WWOX: variants seen among roughly 807,000 people sequenced by gnomAD.
The protein encoded by WWOX is WW domain containing oxidoreductase, also known as WW domain-containing oxidoreductase.
WWOX carries 69 observed loss-of-function variants against 46.2 expected under a neutral mutation model. That is an observed-to-expected ratio of 1.49 (90% CI 1.23 to 1.82). The LOEUF (loss-of-function observed/expected upper bound fraction) is 1.82, where lower values mean the gene tolerates loss of function less well. Ranked by LOEUF, WWOX falls within the 40% of genes most tolerant of loss-of-function variation. The probability of loss-of-function intolerance (pLI) is 0.00; values close to 1 mark genes in which losing one functional copy is unlikely to be tolerated. For synonymous variants in WWOX, 359 were observed against 202.6 expected (o/e 1.77, Z -6.56); for missense variants, 919 against 542.6 (o/e 1.69, Z -6.89).
chr16:78,787,865 G>A (rs543743554), intron 8 of WWOX, among the ~76,000 whole-genome samples: 20 of 152,160 alleles, frequency 1.3e-4, no homozygotes, highest in Middle Eastern at 3.4e-3. Flanking sequence ...AAATTGTATC[G>A]TGGTTTTGAT....
chr16:78,147,511 C>T (rs1317922494), intron 4 of WWOX, among the ~76,000 whole-genome samples: 2 of 152,098 alleles, frequency 1.3e-5, no homozygotes, highest in Non-Finnish European at 2.9e-5. Flanking sequence ...AAAAGTGAGC[C>T]TCAAAAAACT....
chr16:78,583,298 C>T (rs1306590066), intron 8 of WWOX, among the ~76,000 whole-genome samples: 6 of 152,128 alleles, frequency 3.9e-5, no homozygotes, highest in Non-Finnish European at 7.3e-5. Context: ...AGTGAGGGTA[C>T]AACTGGCTCC....
At chr16:78,801,769 C>T (rs2050896341) in intron 8 of WWOX, among the ~76,000 whole-genome samples, 1 of 152,116 alleles carries the variant, frequency 6.6e-6, no homozygotes, top group Non-Finnish European at 1.5e-5. Context: ...GATGACATTT[C>T]AGTTTCAGAC....
chr16:78,639,789 C>G (rs556559008), intron 8 of WWOX, among the ~76,000 whole-genome samples: 1 of 152,222 alleles, frequency 6.6e-6, no homozygotes, highest in East Asian at 1.9e-4. Context: ...TGGTCTTGAA[C>G]TCCTGACCTC....
chr16:78,140,434 T>G (rs1597256293), intron 4 of WWOX, among the ~76,000 whole-genome samples: 1 of 152,260 alleles, frequency 6.6e-6, no homozygotes, highest in African/African-American at 2.4e-5. Context: ...AACAGAAATT[T>G]ATTGTTTCCA....
At chr16:78,978,619 G>T (rs2046618845) in intron 8 of WWOX, among the ~76,000 whole-genome samples, 1 of 152,138 alleles carries the variant, frequency 6.6e-6, no homozygotes, top group Non-Finnish European at 1.5e-5. Flanking sequence ...TCTGCTACTG[G>T]GGGCGCCTCA....
chr16:78,270,921 T>A lies in WWOX; in HGVS notation c.516+106632T>A, dbSNP rs113805486. Among the ~76,000 whole-genome samples, 872 of 152,186 alleles carry A rather than the reference T, an allele frequency of 5.7e-3. 10 individuals carry two copies. Among genetic ancestry groups the A allele is most frequent in the African/African-American group, 0.02 (836 of 41,520 alleles). ...ACTATCTGGCCCTTCACAGAGAAAA[T>A]GTGTCAACCCTTTCCTGTTTGCGTT... On this transcript the variant is annotated intron_variant, in intron 5 of 8. Transcript: ENST00000566780.
chr16:78,845,133 CTTT>C (rs68089672), intron 8 of WWOX, among the ~76,000 whole-genome samples: 2 of 134,280 alleles, frequency 1.5e-5, no homozygotes, highest in African/African-American at 2.8e-5. Flanking sequence ...ATCTTGCTGT[CTTT>C]TTTTTTTTTT....
chr16:78,554,490 T>G (rs148781344), intron 8 of WWOX, among the ~76,000 whole-genome samples: 1 of 152,182 alleles, frequency 6.6e-6, no homozygotes, highest in Non-Finnish European at 1.5e-5. Flanking sequence ...GTGATAGATA[T>G]AGATACATAC....
Position 78,165,569 on chromosome 16 carries a change from C to A in WWOX, c.516+1280C>A, listed in dbSNP as rs569433862. Among the ~76,000 whole-genome samples, 331 of 152,066 alleles carry A rather than the reference C, an allele frequency of 2.2e-3. 2 individuals carry two copies. Among genetic ancestry groups the A allele is most frequent in the Middle Eastern group, 6.8e-3 (2 of 294 alleles). ...GGTAGGGGAATGGCAGGTGCAGAGG[C>A]CCTGGGAGGAGGGGGAGGAGGAGAT... On this transcript the variant is annotated intron_variant, in intron 5 of 8. Coordinates refer to ENST00000566780, the MANE Select transcript of WWOX (RefSeq NM_016373.4).
chr16:79,106,911 G>A (rs1214941264), intron 8 of WWOX, among the ~76,000 whole-genome samples: 2 of 149,160 alleles, frequency 1.3e-5, no homozygotes, highest in South Asian at 2.1e-4. Context: ...GGGTTCAAGC[G>A]ATTCTCCTGC....
chr16:78,642,348 C>G (rs566760177), intron 8 of WWOX, among the ~76,000 whole-genome samples: 15 of 152,284 alleles, frequency 9.9e-5, no homozygotes, highest in African/African-American at 3.4e-4. Flanking sequence ...CTTCTGTCTC[C>G]AGATTCCTTG....
intron 8 of WWOX, among the ~76,000 whole-genome samples, chr16:78,831,463 G>A (rs756437499): frequency 7.9e-5 from 12 of 152,196 alleles, no homozygotes; most frequent in Non-Finnish European, 1.8e-4. Context: ...CTAGGGAGAT[G>A]CAGTGAGTTT....
rs373698110 is a variant in WWOX, at chr16:78,201,297, A to C, written c.516+37008A>C. On this transcript the variant is annotated intron_variant, in intron 5 of 8. Transcript: ENST00000566780. The stretch of plus-strand genomic sequence containing the variant: ...TTAATATAACATTATTATGTGGGGA[A>C]TGTGGAAAGGCTAAGGTTGTATTGA... 7.3e-4 allele frequency among the ~76,000 whole-genome samples: 111 copies of C among 152,300 alleles called. 1 individual carries two copies. Among genetic ancestry groups the C allele is most frequent in the African/African-American group, 2.4e-3 (98 of 41,564 alleles).
chr16:78,463,519 C>T (rs1033984358), intron 8 of WWOX, among the ~76,000 whole-genome samples: 1 of 152,134 alleles, frequency 6.6e-6, no homozygotes, highest in Non-Finnish European at 1.5e-5. Context: ...AAACATGTAA[C>T]TGGTCATTTG....
At chr16:78,169,241 T>G (rs894957078) in intron 5 of WWOX, among the ~76,000 whole-genome samples, 1 of 152,154 alleles carries the variant, frequency 6.6e-6, no homozygotes, top group Non-Finnish European at 1.5e-5. Context: ...TGGAATAAGA[T>G]GTTTTCCTGT....
chr16:78,940,529 A>G (rs2045830799), intron 8 of WWOX, among the ~76,000 whole-genome samples: 1 of 152,144 alleles, frequency 6.6e-6, no homozygotes, highest in African/African-American at 2.4e-5. Flanking sequence ...ATTTCCATCG[A>G]CATCCCGTGT....
intron 8 of WWOX, among the ~76,000 whole-genome samples, chr16:78,910,455 G>A (rs140444103): frequency 1.4e-4 from 21 of 151,686 alleles, no homozygotes; most frequent in African/African-American, 2.9e-4. Flanking sequence ...TTGTTCATCC[G>A]TATTAGAACA....
intron 8 of WWOX, among the ~76,000 whole-genome samples, chr16:78,841,941 G>C (rs1490948947): frequency 6.6e-6 from 1 of 152,070 alleles, no homozygotes; most frequent in East Asian, 1.9e-4. Flanking sequence ...TTAATGCACT[G>C]GACAGAGCTG....
Sources: allele counts gnomAD v4.1 joint callset (sites outside exome capture counted in the v4.1 genomes callset), GRCh38; gene constraint gnomAD v4.1.1; transcripts MANE v1.5; gene names NCBI Gene and HGNC (gene_info 2026-07-23, HGNC 2026-07-21).